ZNF28: variants seen among roughly 807,000 people sequenced by gnomAD.
ZNF28 encodes the protein zinc finger protein 28, also known as zinc finger protein KOX24.
In ZNF28, 5 loss-of-function variants were observed where a neutral mutation model predicts 7.2. The observed-to-expected ratio is 0.70, with a 90% CI of 0.36 to 1.46. ZNF28 has a LOEUF of 1.46. ZNF28 is among the 40% of genes most tolerant of loss of function. The pLI, the probability that ZNF28 is intolerant of heterozygous loss-of-function variation, is 0.03. For missense variants in ZNF28, 879 were observed against 866.6 expected, an observed-to-expected ratio of 1.01 and a Z score of -0.18; for synonymous variants, 288 against 292.4, an observed-to-expected ratio of 0.99 and a Z score of 0.15.
At chr19:52,818,435 G>A (rs2063154345) in intron 1 of ZNF28, among the ~76,000 whole-genome samples, 1 of 152,064 alleles carries the variant, frequency 6.6e-6, no homozygotes, top group Non-Finnish European at 1.5e-5. Context: ...AAATTGGGCT[G>A]GGCTCAGTGG....
chr19:52,810,887 CTCCCCCTCCCCCTCCCT>C (rs2063021161), intron 2 of ZNF28, among the ~76,000 whole-genome samples: 2 of 13,470 alleles, frequency 1.5e-4, no homozygotes, highest in African/African-American at 3.2e-4. Context: ...CCCCCTCCCC[CTCCCCCTCCCCCTCCCT>C]CTCCCTCTCC....
rs780080234 is a variant in ZNF28, at chr19:52,801,514, C to T, written c.331G>A (p.Ala111Thr). ...WKEDETNDHA[A>T]PMTEIKELTG... The stretch of plus-strand genomic sequence containing the variant: ...AACTCTTTGATTTCTGTCATGGGTG[C>T]TGCATGGTCATTTGTTTCATCTTCT... Residue 111 changes from alanine to threonine, a missense_variant, in exon 4 of 4, where the codon GCA (alanine) becomes ACA (threonine). By Grantham distance (58) the Ala-to-Thr change is moderately conservative (BLOSUM62 0). Transcript: ENST00000457749. 2.5e-6 allele frequency: 4 copies of T among 1,614,072 alleles called. No homozygotes were observed. Among genetic ancestry groups the T allele is most frequent in the Non-Finnish European group, 1.7e-6 (2 of 1,179,988 alleles).
At position 52,810,473 on chromosome 19, in the gene ZNF28, TC is replaced by T; in HGVS notation, c.16-2341del. 3 of 1,587,608 alleles carry T rather than the reference TC, an allele frequency of 1.9e-6. No homozygotes were observed. The South Asian group carries it at 3.3e-5, about 18-fold the overall frequency. On this transcript the variant is annotated intron_variant, in intron 2 of 3. Coordinates refer to ENST00000457749, the MANE Select transcript of ZNF28 (RefSeq NM_006969.5). ...AGTTCTCAAAGAGTCAGTGAGGACTTCCTTGGCCTTGGATGAGTCCCTATTT... is the reference window on the plus strand; with the variant it reads ...AGTTCTCAAAGAGTCAGTGAGGACTTCTTGGCCTTGGATGAGTCCCTATTT...
intron 2 of ZNF28, chr19:52,809,922 G>A (rs2062994871): frequency 1.2e-6 from 1 of 843,546 alleles, no homozygotes. Context: ...CGGGGCCGGT[G>A]GGGAGGCCGG....
At chr19:52,803,901 G>A (rs965495864) in intron 3 of ZNF28, among the ~76,000 whole-genome samples, 13 of 152,162 alleles carry the variant, frequency 8.5e-5, no homozygotes, top group Non-Finnish European at 1.6e-4. Flanking sequence ...AGGTTGCAGT[G>A]AGCTGAGATC....
At position 52,801,028 on chromosome 19, in the gene ZNF28, A is replaced by G; in HGVS notation, c.817T>C (p.Cys273Arg). The G allele has an allele frequency of 6.2e-7, 1 of 1,614,154 alleles. No individual in the cohort carries two copies. The highest frequency in any genetic ancestry group is 8.5e-7 in the Non-Finnish European group (1 of 1,180,034). Residue 273 changes from cysteine to arginine, a missense_variant, in exon 4 of 4, where the codon TGT (cysteine) becomes CGT (arginine). Cys to Arg is a radical substitution (Grantham distance 180, BLOSUM62 -3). Coordinates refer to ENST00000457749, the MANE Select transcript of ZNF28 (RefSeq NM_006969.5). ...CCAAAGATCTTGCCACACTCATTACACTTGTAAGGTTTCTCATCAATGTGA... is the reference window on the plus strand; with the variant it reads ...CCAAAGATCTTGCCACACTCATTACGCTTGTAAGGTTTCTCATCAATGTGA... ...RSHIDEKPYK[C>R]NECGKIFGHN...
At chr19:52,808,711 G>A (rs1444706758) in intron 2 of ZNF28, among the ~76,000 whole-genome samples, 2 of 151,986 alleles carry the variant, frequency 1.3e-5, no homozygotes, top group African/African-American at 4.8e-5. Flanking sequence ...CTACTTGGAA[G>A]GCTAAGGAGG....
intron 1 of ZNF28, among the ~76,000 whole-genome samples, chr19:52,818,842 G>GA (rs1193202932): frequency 3.5e-5 from 5 of 142,366 alleles, no homozygotes; most frequent in African/African-American, 1.1e-4. Flanking sequence ...AAGATCACAA[G>GA]ACTGCACTCA....
intron 2 of ZNF28, among the ~76,000 whole-genome samples, chr19:52,812,609 C>A (rs1453656796): frequency 1.5e-5 from 2 of 129,180 alleles, no homozygotes; most frequent in African/African-American, 3.2e-5. Flanking sequence ...ATCTCAAGTA[C>A]CCAGGGACAC....
In ZNF28 at chr19:52,798,312, C is replaced by A. The variant is rs56677415; in HGVS notation, c.*1376G>T. On this transcript the variant is annotated 3_prime_UTR_variant, in exon 4 of 4. Coordinates refer to ENST00000457749, the MANE Select transcript of ZNF28 (RefSeq NM_006969.5). Reference sequence around the variant, plus strand: ...ACAGTGCCCAGCCCAGTCCTCTTAACATAAACAGTTTAATGTCAATTAATG... The same window carrying A: ...ACAGTGCCCAGCCCAGTCCTCTTAAAATAAACAGTTTAATGTCAATTAATG... 8.8e-3 allele frequency: 2,594 copies of A among 295,330 alleles called. 77 individuals carry two copies. The highest frequency in any genetic ancestry group is 0.055 in the African/African-American group (2,448 of 44,174). The allele number at this position is 295,330 out of a possible 1,614,324, so 18.3% of individuals were successfully genotyped here. A position where few individuals can be genotyped will look rare whatever the true frequency, so the allele number is the denominator to read the frequency against.
intron 2 of ZNF28, among the ~76,000 whole-genome samples, chr19:52,809,261 T>TGC (rs2062980560): frequency 6.6e-6 from 1 of 152,114 alleles, no homozygotes; most frequent in Admixed American, 6.6e-5. Flanking sequence ...AATGCGGACG[T>TGC]GCACAGAGGC....
chr19:52,802,338 A>G (rs929774822), intron 3 of ZNF28, among the ~76,000 whole-genome samples: 1 of 151,920 alleles, frequency 6.6e-6, no homozygotes, highest in Admixed American at 6.6e-5. Context: ...ACTGCACTCC[A>G]GCCCAGGTGA....
At chr19:52,803,856 GTC>G (rs2062904062) in intron 3 of ZNF28, among the ~76,000 whole-genome samples, 1 of 152,152 alleles carries the variant, frequency 6.6e-6, no homozygotes, top group South Asian at 2.1e-4. Flanking sequence ...GTACTTGGTA[GTC>G]TGAGGCAGAA....
intron 2 of ZNF28, among the ~76,000 whole-genome samples, chr19:52,816,839 A>ATAATAC (rs2063131485): frequency 1.4e-5 from 2 of 141,678 alleles, no homozygotes; most frequent in African/African-American, 2.5e-5. Context: ...TCAGAAAATA[A>ATAATAC]TAATAATAAT....
chr19:52,806,939 G>A (rs1416208837), intron 3 of ZNF28, among the ~76,000 whole-genome samples: 1 of 152,078 alleles, frequency 6.6e-6, no homozygotes, highest in Non-Finnish European at 1.5e-5. Flanking sequence ...AGAAAGAGCA[G>A]AGAGATAAGC....
intron 3 of ZNF28, chr19:52,805,453 C>T (rs1290780738): frequency 6.6e-6 from 1 of 150,702 alleles, no homozygotes; most frequent in Non-Finnish European, 1.5e-5. Flanking sequence ...ATGGTGGAAC[C>T]CCATCTCTAC....
intron 3 of ZNF28, 32 bp downstream of exon 3, chr19:52,807,975 A>G (rs1212874404): frequency 6.2e-7 from 1 of 1,612,142 alleles, no homozygotes; most frequent in Non-Finnish European, 8.5e-7. Context: ...ACAAAGATAC[A>G]CAAGGGCACA....
chr19:52,816,440 G>A (rs2063124871), intron 2 of ZNF28, among the ~76,000 whole-genome samples: 1 of 145,834 alleles, frequency 6.9e-6, no homozygotes, highest in African/African-American at 2.7e-5. Flanking sequence ...TGAGGTGGGA[G>A]GATAACGAGG....
intron 2 of ZNF28, among the ~76,000 whole-genome samples, chr19:52,817,504 A>C (rs189930799): frequency 6.6e-6 from 1 of 152,164 alleles, no homozygotes; most frequent in African/African-American, 2.4e-5. Flanking sequence ...TGTGGTATAA[A>C]ATCAGGGAGA....
Sources: allele counts gnomAD v4.1 joint callset (sites outside exome capture counted in the v4.1 genomes callset), GRCh38; gene constraint gnomAD v4.1.1; transcripts MANE v1.5; gene names NCBI Gene and HGNC (gene_info 2026-07-23, HGNC 2026-07-21).